FEM1C: variants seen among roughly 807,000 people sequenced by gnomAD.
The protein encoded by FEM1C is protein fem-1 homolog C.
Under a neutral mutation model 37.6 loss-of-function variants are expected in FEM1C, and 15 were observed. The ratio of observed to expected loss-of-function variants is 0.40; its 90% CI spans 0.27 to 0.61. The LOEUF is 0.61. Ranked by LOEUF, FEM1C falls within the 20% of genes least tolerant of loss-of-function variation. The pLI is 0.42. For missense variants in FEM1C, 532 were observed against 749.7 expected, an observed-to-expected ratio of 0.71 and a Z score of 3.39; for synonymous variants, 287 against 272.8, an observed-to-expected ratio of 1.05 and a Z score of -0.51.
chr5:115,525,228 T>C lies in FEM1C; in HGVS notation c.934A>G (p.Ile312Val). The C allele has an allele frequency of 6.2e-7, 1 of 1,613,522 alleles. No individual in the cohort carries two copies. Among genetic ancestry groups the C allele is most frequent in the Non-Finnish European group, 8.5e-7 (1 of 1,179,762 alleles). Residue 312 changes from isoleucine (I) to valine (V), a missense_variant, in exon 3 of 3, where the codon ATT becomes GTT. Physicochemically the swap from Ile to Val is conservative, Grantham distance 29. This residue lies in a region of FEM1C where 221 missense variants were observed against 404.1 expected (regional missense o/e 0.55). Transcript: ENST00000274457. Reference protein sequence around the residue: ...VNSAEELEGLIADPDEMRMQA... With the variant: ...VNSAEELEGLVADPDEMRMQA... Reference sequence around the variant, plus strand: ...ATTCTCATCTCATCAGGATCAGCAATAAGACCTTCTAGCTCTTCTGCACTG... The same window carrying C: ...ATTCTCATCTCATCAGGATCAGCAACAAGACCTTCTAGCTCTTCTGCACTG...
rs1317539926 is a variant in FEM1C at position 115,543,685 on chromosome 5, T to C, written c.-190-2A>G. The C allele has an allele frequency of 2.2e-6, 3 of 1,346,246 alleles. No individual in the cohort carries two copies. The highest frequency in any genetic ancestry group is 1.9e-6 in the Non-Finnish European group (2 of 1,054,180). 83.4% of individuals were successfully genotyped at this position (1,346,246 alleles called of 1,614,324 possible). On this transcript the variant is annotated splice_acceptor_variant, in intron 1 of 2. Transcript: ENST00000274457. LOFTEE classifies it low-confidence loss of function (5UTR_SPLICE). ...ACATCTGACAACCAGGGCACCAAAC[T>C]AGAGAAAGAAAAAAAAAGTAGCAGC...
At chr5:115,540,227 C>G (rs1265707562) in intron 2 of FEM1C, among the ~76,000 whole-genome samples, 1 of 151,998 alleles carries the variant, frequency 6.6e-6, no homozygotes, top group African/African-American at 2.4e-5. Context: ...AATCCAGAAC[C>G]AATGAGAGAA....
intron 2 of FEM1C, among the ~76,000 whole-genome samples, chr5:115,529,970 AG>A (rs1169990254): frequency 1.3e-5 from 2 of 152,046 alleles, no homozygotes; most frequent in African/African-American, 4.8e-5. Context: ...AAAAGTACCC[AG>A]GAGATGAAAA....
intron 2 of FEM1C, 72 bp downstream of exon 2, chr5:115,542,878 G>A (rs1043467135): frequency 6.5e-7 from 1 of 1,536,908 alleles, no homozygotes; most frequent in South Asian, 1.3e-5. Context: ...CAACACCAGT[G>A]CTTATAATGA....
At chr5:115,530,229 A>G (rs2127170888) in intron 2 of FEM1C, among the ~76,000 whole-genome samples, 1 of 152,174 alleles carries the variant, frequency 6.6e-6, no homozygotes, top group East Asian at 1.9e-4. Flanking sequence ...CAAAAACTAA[A>G]TATTAAGAAG....
In FEM1C at chr5:115,543,142, T is replaced by A; in HGVS notation, c.352A>T (p.Thr118Ser). The stretch of plus-strand genomic sequence containing the variant: ...TCGAAACACGCAGCTCGAAGAGGAG[T>A]TGAATTGGTTAAAGTCGTGTTGTTG... ...SVNNTTLTNS[T>S]PLRAACFDGH... Residue 118 changes from threonine to serine, a missense_variant, in exon 2 of 3, where the codon ACT (threonine) becomes TCT (serine). Coordinates refer to ENST00000274457, the MANE Select transcript of FEM1C (RefSeq NM_020177.3). 1.2e-6 allele frequency: 2 copies of A among 1,613,926 alleles called. No individual in the cohort carries two copies. Among genetic ancestry groups the A allele is most frequent in the Non-Finnish European group, 1.7e-6 (2 of 1,179,988 alleles).
In FEM1C at chr5:115,525,450, G is replaced by A; in HGVS notation, c.712C>T (p.Gln238Ter). Residue 238 changes from glutamine (Q) to a stop codon, truncating the protein, a stop_gained, in exon 3 of 3, where the codon CAG becomes TAG. Transcript: ENST00000274457. LOFTEE classifies it high-confidence loss of function. ...TTAATACGTTCTGTCTTGCTGGTCT[G>A]TGCATGGTGTGTCAGAAAATCCACA... ...NIVDFLTHHAQTSKTERINAL... is the reference protein window; with the variant it reads ...NIVDFLTHHA 6.2e-7 allele frequency: 1 copy of A among 1,613,676 alleles called. No homozygotes were observed. The highest frequency in any genetic ancestry group is 8.5e-7 in the Non-Finnish European group (1 of 1,179,766).
In FEM1C at chr5:115,523,739, A is replaced by G. The variant is rs1398247263; in HGVS notation, c.*569T>C. 1 of 152,690 alleles carries G rather than the reference A, an allele frequency of 6.5e-6. No homozygotes were observed. Among genetic ancestry groups the G allele is most frequent in the Non-Finnish European group, 1.5e-5 (1 of 68,086 alleles). The allele number at this position is 152,690 out of a possible 1,614,324, so 9.5% of individuals were successfully genotyped here. ...GAAGTTGACCAACTGCTGCATAGAA[A>G]ATATGCTAACATACAACAGTCAAGT... On this transcript the variant is annotated 3_prime_UTR_variant, in exon 3 of 3. Coordinates refer to ENST00000274457, the MANE Select transcript of FEM1C (RefSeq NM_020177.3).
At chr5:115,527,932 T>TGG (rs917406140) in intron 2 of FEM1C, among the ~76,000 whole-genome samples, 2 of 128,382 alleles carry the variant, frequency 1.6e-5, no homozygotes, top group Non-Finnish European at 3.1e-5. Flanking sequence ...ACCTGGGAGG[T>TGG]GGAGGTTGCA....
chr5:115,538,958 T>C (rs1754184941), intron 2 of FEM1C, among the ~76,000 whole-genome samples: 1 of 152,016 alleles, frequency 6.6e-6, no homozygotes, highest in Non-Finnish European at 1.5e-5. Context: ...CCATGAAGCA[T>C]TCCTAGTCAG....
chr5:115,541,068 CT>C (rs1754231279), intron 2 of FEM1C, among the ~76,000 whole-genome samples: 1 of 151,898 alleles, frequency 6.6e-6, no homozygotes, highest in Admixed American at 6.6e-5. Context: ...AATGAAAACA[CT>C]TATTAGAAAG....
In FEM1C at chr5:115,521,371, A is replaced by C. The variant is rs1753770511; in HGVS notation, c.*2937T>G. 1 of 151,818 alleles carries C rather than the reference A, an allele frequency of 6.6e-6. No individual in the cohort carries two copies. The allele number at this position is 151,818 out of a possible 1,614,324, so 9.4% of individuals were successfully genotyped here. On this transcript the variant is annotated 3_prime_UTR_variant, in exon 3 of 3. Transcript: ENST00000274457. Reference sequence around the variant, plus strand: ...CAAATAATAGTAGACTGGGGTCTCTATACACATTAAGGTAGTCACTTTACA... The same window carrying C: ...CAAATAATAGTAGACTGGGGTCTCTCTACACATTAAGGTAGTCACTTTACA...
chr5:115,524,949 T>A lies in FEM1C; in HGVS notation c.1213A>T (p.Thr405Ser). ...CCCATAAGATCATCAAATGTAACAG[T>A]AGTACCCAGCAGGCCTTTAGCCCTA... ...QDRAKGLLGT[T>S]VTFDDLMGIL... The change falls in exon 3 of 3, where the codon ACT (threonine) becomes TCT (serine). Residue 405 changes from threonine (T) to serine (S), a missense_variant. Thr to Ser is a moderately conservative substitution (Grantham distance 58). Transcript: ENST00000274457. The A allele has an allele frequency of 6.2e-7, 1 of 1,613,732 alleles. No homozygotes were observed.
intron 2 of FEM1C, among the ~76,000 whole-genome samples, chr5:115,542,561 TC>T (rs1754263264): frequency 1.0e-5 from 1 of 95,528 alleles, no homozygotes; most frequent in Non-Finnish European, 2.1e-5. Flanking sequence ...CCAAGGTTGT[TC>T]TAAAAAAAAA....
At chr5:115,537,115 A>T (rs1295361134) in intron 2 of FEM1C, among the ~76,000 whole-genome samples, 3 of 152,026 alleles carry the variant, frequency 2.0e-5, no homozygotes, top group Admixed American at 6.6e-5. Context: ...ACATGTTCTG[A>T]TCAGATTTGC....
rs57948082 is a variant in FEM1C, at chr5:115,538,629, A to G, written c.544+4321T>C. Among the ~76,000 whole-genome samples, 277 of 152,134 alleles carry G rather than the reference A, an allele frequency of 1.8e-3. 6 individuals carry two copies. In the East Asian group the frequency reaches 0.032, roughly 18 times the overall value. On this transcript the variant is annotated intron_variant, in intron 2 of 2. Transcript: ENST00000274457. ...TTCTCTGAAAACAAACAAGCAAACAAACAAACCACTCCAGTTAGTCCCCTG... is the reference window on the plus strand; with the variant it reads ...TTCTCTGAAAACAAACAAGCAAACAGACAAACCACTCCAGTTAGTCCCCTG...
chr5:115,538,363 T>C (rs1754169938), intron 2 of FEM1C, among the ~76,000 whole-genome samples: 1 of 152,038 alleles, frequency 6.6e-6, no homozygotes, highest in Non-Finnish European at 1.5e-5. Flanking sequence ...ACTTTGTTAC[T>C]TCAAGTCTTC....
In FEM1C at chr5:115,524,211, C is replaced by A; in HGVS notation, c.*97G>T. 2.1e-6 allele frequency: 2 copies of A among 950,326 alleles called. No individual in the cohort carries two copies. Among genetic ancestry groups the A allele is most frequent in the Non-Finnish European group, 3.2e-6 (2 of 620,676 alleles). 58.9% of individuals were successfully genotyped at this position (950,326 alleles called of 1,614,324 possible). A position where few individuals can be genotyped will look rare whatever the true frequency, so the allele number is the denominator to read the frequency against. The stretch of plus-strand genomic sequence containing the variant: ...CCAATGAGAGCACAATGATATCAAT[C>A]AAGCTAAATGAATGCTGGTGTTATC... On this transcript the variant is annotated 3_prime_UTR_variant, in exon 3 of 3. Transcript: ENST00000274457.
chr5:115,536,963 G>A (rs1754141879), intron 2 of FEM1C, among the ~76,000 whole-genome samples: 1 of 151,990 alleles, frequency 6.6e-6, no homozygotes, highest in African/African-American at 2.4e-5. Context: ...GGAGCTAAGG[G>A]ATGAGGACTA....
Sources: gnomAD v4.1 joint callset for allele counts (sites outside exome capture counted in the v4.1 genomes callset) on GRCh38, gnomAD v4.1.1 for gene constraint, gnomAD v4.1.1 regional missense constraint, MANE v1.5 for transcripts, NCBI Gene and HGNC (gene_info 2026-07-23, HGNC 2026-07-21) for gene names.